CDH18: variants seen among roughly 807,000 people sequenced by gnomAD.
CDH18 encodes the protein cadherin-18.
Under a neutral mutation model 67.9 loss-of-function variants are expected in CDH18, and 31 were observed. The ratio of observed to expected loss-of-function variants is 0.46; its 90% CI spans 0.34 to 0.62. The LOEUF is 0.62. CDH18 is among the 20% of genes least tolerant of loss of function. The pLI is 0.01. For synonymous variants in CDH18, 362 were observed against 347.2 expected, an observed-to-expected ratio of 1.04 and a Z score of -0.48; for missense variants, 890 against 975.5, an observed-to-expected ratio of 0.91 and a Z score of 1.17.
intron 1 of CDH18, among the ~76,000 whole-genome samples, chr5:20,454,624 T>TA (rs1334674390): frequency 2.0e-5 from 3 of 152,120 alleles, no homozygotes; most frequent in Non-Finnish European, 4.4e-5. Context: ...CTTTATCTTA[T>TA]AACAAGTTAG....
At chr5:20,226,100 A>G (rs1238480771) in intron 2 of CDH18, among the ~76,000 whole-genome samples, 1 of 152,076 alleles carries the variant, frequency 6.6e-6, no homozygotes, top group Non-Finnish European at 1.5e-5. Context: ...TTTGAGTCGG[A>G]AATCTTTATT....
At chr5:20,146,432 T>C (rs373270562) in intron 2 of CDH18, among the ~76,000 whole-genome samples, 1 of 152,044 alleles carries the variant, frequency 6.6e-6, no homozygotes, top group African/African-American at 2.4e-5. Flanking sequence ...TGAAATTTAC[T>C]TGTGTAAATT....
intron 2 of CDH18, among the ~76,000 whole-genome samples, chr5:19,852,977 T>C (rs1783883416): frequency 6.6e-6 from 1 of 151,986 alleles, no homozygotes; most frequent in Non-Finnish European, 1.5e-5. Flanking sequence ...CCACTGAATT[T>C]TACTAAAAAG....
At chr5:19,968,774 T>C (rs1579865208) in intron 2 of CDH18, among the ~76,000 whole-genome samples, 1 of 144,318 alleles carries the variant, frequency 6.9e-6, no homozygotes, top group East Asian at 1.9e-4. Flanking sequence ...ATTCAGGACA[T>C]AGGCATGGGC....
chr5:20,547,958 CTT>C (rs1401737066), intron 1 of CDH18, among the ~76,000 whole-genome samples: 1 of 151,590 alleles, frequency 6.6e-6, no homozygotes, highest in African/African-American at 2.4e-5. Flanking sequence ...GGTATTAAAT[CTT>C]ATATATATTT....
chr5:20,019,503 T>A (rs1444899125), intron 2 of CDH18, among the ~76,000 whole-genome samples: 1 of 152,148 alleles, frequency 6.6e-6, no homozygotes, highest in Non-Finnish European at 1.5e-5. Flanking sequence ...GCTGGTCTCA[T>A]AATAATGAGT....
chr5:20,520,685 A>G (rs771394249), intron 1 of CDH18, among the ~76,000 whole-genome samples: 2 of 152,180 alleles, frequency 1.3e-5, no homozygotes, highest in Non-Finnish European at 2.9e-5. Context: ...GAGATGAGCA[A>G]TTGGGTTAAC....
At chr5:19,738,557 C>A (rs1235032532) in intron 4 of CDH18, among the ~76,000 whole-genome samples, 2 of 152,142 alleles carry the variant, frequency 1.3e-5, no homozygotes. Context: ...TTTTTTAAAA[C>A]ATGATGTACC....
At chr5:19,958,284 A>T (rs1048490383) in intron 2 of CDH18, among the ~76,000 whole-genome samples, 2 of 151,188 alleles carry the variant, frequency 1.3e-5, no homozygotes, top group Non-Finnish European at 2.9e-5. Context: ...AACTAAACAA[A>T]CAAACATATA....
chr5:19,909,691 GC>G (rs569780058), intron 2 of CDH18, among the ~76,000 whole-genome samples: 31 of 108,822 alleles, frequency 2.8e-4, no homozygotes, highest in Middle Eastern at 4.0e-3. Context: ...AGGTCAAATG[GC>G]AAAAAAAAAA....
At position 20,386,408 on chromosome 5, in the gene CDH18, A is replaced by G. The variant is rs1312194028; in HGVS notation, c.-579-130903T>C. Among the ~76,000 whole-genome samples, 4 of 152,274 alleles carry G rather than the reference A, an allele frequency of 2.6e-5. No homozygotes were observed. In the East Asian group the frequency reaches 7.7e-4, roughly 29 times the overall value. ...TTCTGTAATGGCATCTTTCTCAGAAATAAGCATGGTCTTTTGCATAGTCTT... is the reference window on the plus strand; with the variant it reads ...TTCTGTAATGGCATCTTTCTCAGAAGTAAGCATGGTCTTTTGCATAGTCTT... On this transcript the variant is annotated intron_variant, in intron 1 of 14. Transcript: ENST00000507958.
At chr5:20,565,849 C>T (rs921936530) in intron 1 of CDH18, among the ~76,000 whole-genome samples, 7 of 151,946 alleles carry the variant, frequency 4.6e-5, no homozygotes, top group African/African-American at 1.5e-4. Context: ...TCCCTTAGTG[C>T]TATATTCAGT....
chr5:19,939,745 T>G (rs1314454348), intron 2 of CDH18, among the ~76,000 whole-genome samples: 2 of 151,868 alleles, frequency 1.3e-5, no homozygotes, highest in Admixed American at 1.3e-4. Context: ...TGGTATGGAA[T>G]GATGTATACT....
chr5:19,543,103 A>G (rs930548810), intron 9 of CDH18, among the ~76,000 whole-genome samples: 31 of 152,232 alleles, frequency 2.0e-4, no homozygotes, highest in Middle Eastern at 3.4e-3. Context: ...CTCTTCGTAC[A>G]CTTTTAAAGT....
intron 11 of CDH18, among the ~76,000 whole-genome samples, chr5:19,484,805 T>C (rs765773468): frequency 6.6e-6 from 1 of 152,222 alleles, no homozygotes; most frequent in African/African-American, 2.4e-5. Context: ...TCTACAGATG[T>C]TGATCCCAAT....
At chr5:20,127,233 ATG>A (rs1366885872) in intron 2 of CDH18, among the ~76,000 whole-genome samples, 1 of 151,426 alleles carries the variant, frequency 6.6e-6, no homozygotes, top group Non-Finnish European at 1.5e-5. Context: ...CTGCTCCACC[ATG>A]TGAGGACATG....
intron 12 of CDH18, among the ~76,000 whole-genome samples, chr5:19,479,386 G>A (rs534011281): frequency 2.0e-5 from 3 of 152,166 alleles, no homozygotes; most frequent in Admixed American, 6.5e-5. Flanking sequence ...TATTTATGCC[G>A]AAAATCATAA....
intron 2 of CDH18, among the ~76,000 whole-genome samples, chr5:20,075,118 T>C (rs532623856): frequency 6.6e-6 from 1 of 152,208 alleles, no homozygotes; most frequent in Admixed American, 6.5e-5. Flanking sequence ...TGACTTCGGA[T>C]GTATGTGGGT....
At chr5:20,535,214 G>T (rs992391) in intron 1 of CDH18, among the ~76,000 whole-genome samples, 8 of 151,982 alleles carry the variant, frequency 5.3e-5, no homozygotes, top group Admixed American at 2.6e-4. Flanking sequence ...TGTGGTTGTA[G>T]GACTGAAGTG....
Sources: gnomAD v4.1 joint callset for allele counts (sites outside exome capture counted in the v4.1 genomes callset) on GRCh38, gnomAD v4.1.1 for gene constraint, MANE v1.5 for transcripts, NCBI Gene and HGNC (gene_info 2026-07-23, HGNC 2026-07-21) for gene names.